NPSR1: variants seen among roughly 807,000 people sequenced by gnomAD.
NPSR1 encodes neuropeptide S receptor.
NPSR1 carries 48 observed loss-of-function variants against 46.9 expected under a neutral mutation model. The ratio of observed to expected loss-of-function variants is 1.02; its 90% confidence interval spans 0.81 to 1.30. NPSR1 has a LOEUF of 1.30. NPSR1 is among the 50% of genes most tolerant of loss of function. The pLI, the probability that NPSR1 is intolerant of heterozygous loss-of-function variation, is 0.00. For missense variants in NPSR1, 450 were observed against 449.5 expected, an observed-to-expected ratio of 1.00 and a Z score of -0.01; for synonymous variants, 176 against 168.1, an observed-to-expected ratio of 1.05 and a Z score of -0.36.
At chr7:34,714,845 G>C (rs1203323630) in intron 2 of NPSR1, among the ~76,000 whole-genome samples, 1 of 152,162 alleles carries the variant, frequency 6.6e-6, no homozygotes, top group Non-Finnish European at 1.5e-5. Flanking sequence ...ATGGAGATTT[G>C]CTATTATTTG....
intron 2 of NPSR1, among the ~76,000 whole-genome samples, chr7:34,766,931 G>A (rs1014594776): frequency 2.6e-5 from 4 of 152,032 alleles, no homozygotes; most frequent in South Asian, 2.1e-4. Context: ...TTCCATTTAC[G>A]TAAGATTCTT....
chr7:34,875,372 T>C (rs539240641), intron 8 of NPSR1, among the ~76,000 whole-genome samples: 8 of 152,330 alleles, frequency 5.3e-5, no homozygotes, highest in South Asian at 4.2e-4. Context: ...TTCCCACACA[T>C]TGAAGATTGA....
chr7:34,694,317 CA>C (rs1301628640), intron 2 of NPSR1, among the ~76,000 whole-genome samples: 2 of 152,108 alleles, frequency 1.3e-5, no homozygotes, highest in Non-Finnish European at 2.9e-5. Flanking sequence ...TTTCAGGATA[CA>C]AAATCAACAT....
intron 2 of NPSR1, among the ~76,000 whole-genome samples, chr7:34,777,186 C>CAA (rs1387879133): frequency 6.6e-6 from 1 of 152,116 alleles, no homozygotes; most frequent in Non-Finnish European, 1.5e-5. Context: ...GACTGACTTT[C>CAA]AAGTGTATTT....
At chr7:34,714,969 C>G (rs577067048) in intron 2 of NPSR1, among the ~76,000 whole-genome samples, 1 of 152,342 alleles carries the variant, frequency 6.6e-6, no homozygotes, top group Admixed American at 6.5e-5. Context: ...ACATCCCAGG[C>G]TGGTATACTT....
chr7:34,786,055 A>G (rs1390492297), intron 3 of NPSR1, among the ~76,000 whole-genome samples: 1 of 152,140 alleles, frequency 6.6e-6, no homozygotes, highest in Non-Finnish European at 1.5e-5. Context: ...TTGTTGCATC[A>G]ATTGACTTTT....
intron 3 of NPSR1, among the ~76,000 whole-genome samples, chr7:34,810,792 G>A (rs866927302): frequency 2.0e-5 from 3 of 152,218 alleles, no homozygotes; most frequent in African/African-American, 7.2e-5. Flanking sequence ...GAATAAGTGA[G>A]CAAGAAAGAA....
At chr7:34,836,774 GA>G (rs961572115) in intron 6 of NPSR1, among the ~76,000 whole-genome samples, 12 of 151,188 alleles carry the variant, frequency 7.9e-5, no homozygotes, top group Non-Finnish European at 1.0e-4. Context: ...GAAAGAGAAA[GA>G]AAAAAATATA....
chr7:34,714,297 A>C (rs1783447486), intron 2 of NPSR1, among the ~76,000 whole-genome samples: 1 of 152,236 alleles, frequency 6.6e-6, no homozygotes, highest in Non-Finnish European at 1.5e-5. Context: ...GTTGAGGATG[A>C]GTCCCAGCTC....
chr7:34,841,098 A>G (rs1462171560), intron 6 of NPSR1, among the ~76,000 whole-genome samples: 2 of 152,238 alleles, frequency 1.3e-5, no homozygotes, highest in East Asian at 3.8e-4. Context: ...TTAAAAATCA[A>G]CCTAACATAC....
At chr7:34,726,531 A>C (rs1784160181) in intron 2 of NPSR1, among the ~76,000 whole-genome samples, 1 of 152,214 alleles carries the variant, frequency 6.6e-6, no homozygotes, top group Non-Finnish European at 1.5e-5. Context: ...ATGAATTGGC[A>C]ACTCATGCCC....
At chr7:34,794,813 A>G (rs1023635918) in intron 3 of NPSR1, among the ~76,000 whole-genome samples, 1 of 152,178 alleles carries the variant, frequency 6.6e-6, no homozygotes, top group Non-Finnish European at 1.5e-5. Flanking sequence ...AATCCAACAA[A>G]TTTATAAAAA....
In NPSR1 at chr7:34,664,031, GA is replaced by G. The variant is rs1429368912; in HGVS notation, c.147+5473del. Among the ~76,000 whole-genome samples the G allele has an allele frequency of 7.9e-5, 12 of 152,318 alleles. No individual in the cohort carries two copies. The East Asian group carries it at 2.3e-3, about 29-fold the overall frequency. Reference sequence around the variant, plus strand: ...GCCATCCTTCAAATAATTTCCTGTTGATGAAGTAAGAATGTTTCAAGCCATG... The same window carrying G: ...GCCATCCTTCAAATAATTTCCTGTTGTGAAGTAAGAATGTTTCAAGCCATG... On this transcript the variant is annotated intron_variant, in intron 1 of 8. Transcript: ENST00000360581.
In NPSR1 at chr7:34,823,399, GA is replaced by G. The variant is rs577186339; in HGVS notation, c.479-3985del. Among the ~76,000 whole-genome samples the G allele has an allele frequency of 4.5e-3, 310 of 68,282 alleles. 15 individuals carry two copies. The highest frequency in any genetic ancestry group is 0.022 in the South Asian group (49 of 2,278). 44.8% of individuals were successfully genotyped at this position (68,282 alleles called of 152,430 possible). A position where few individuals can be genotyped will look rare whatever the true frequency, so the allele number is the denominator to read the frequency against. On this transcript the variant is annotated intron_variant, in intron 4 of 8. Transcript: ENST00000360581. Reference sequence around the variant, plus strand: ...TTGGCAACAGAGCAAGACTTCACCAGAAAAAAAAAAAAAAAAACAACACCAT... The same window carrying G: ...TTGGCAACAGAGCAAGACTTCACCAGAAAAAAAAAAAAAAAACAACACCAT...
In NPSR1 at chr7:34,700,967, C is replaced by G. The variant is rs1206870232; in HGVS notation, c.280+16283C>G. ...AATTTAAACTCCTTCAAGTAACTTACTAAAGAGTGAAAGTTCTCCAAAAGG... is the reference window on the plus strand; with the variant it reads ...AATTTAAACTCCTTCAAGTAACTTAGTAAAGAGTGAAAGTTCTCCAAAAGG... On this transcript the variant is annotated intron_variant, in intron 2 of 8. Transcript: ENST00000360581. Among the ~76,000 whole-genome samples the G allele has an allele frequency of 1.3e-5, 2 of 152,186 alleles. 1 individual carries two copies. The highest frequency in any genetic ancestry group is 2.9e-5 in the Non-Finnish European group (2 of 68,046).
intron 2 of NPSR1, among the ~76,000 whole-genome samples, chr7:34,688,308 C>A (rs893391106): frequency 6.6e-6 from 1 of 152,078 alleles, no homozygotes; most frequent in Non-Finnish European, 1.5e-5. Flanking sequence ...AGGAAGGCAA[C>A]AATACAATAA....
chr7:34,717,196 G>A (rs562644162), intron 2 of NPSR1, among the ~76,000 whole-genome samples: 76 of 152,266 alleles, frequency 5.0e-4, no homozygotes, highest in Non-Finnish European at 7.8e-4. Flanking sequence ...GCAATAGCGC[G>A]AACTCAGCTC....
intron 4 of NPSR1, 85 bp from the exon 5 acceptor site, chr7:34,827,316 A>T: frequency 1.7e-6 from 2 of 1,180,316 alleles, no homozygotes; most frequent in East Asian, 2.4e-5. Flanking sequence ...GCTGCCCCAC[A>T]GTGATCCTTT....
chr7:34,829,007 A>G (rs1231868759), intron 5 of NPSR1, among the ~76,000 whole-genome samples: 1 of 152,192 alleles, frequency 6.6e-6, no homozygotes, highest in Non-Finnish European at 1.5e-5. Flanking sequence ...TTGTTTTAAT[A>G]TGCATTTCTT....
Sources: gnomAD v4.1 joint callset for allele counts (sites outside exome capture counted in the v4.1 genomes callset) on GRCh38, gnomAD v4.1.1 for gene constraint, MANE v1.5 for transcripts, NCBI Gene and HGNC (gene_info 2026-07-23, HGNC 2026-07-21) for gene names.